The following LRFN2 variants were observed in gnomAD, a reference collection of about 807,000 sequenced individuals.
LRFN2 encodes the protein leucine rich repeat and fibronectin type III domain containing 2, also known as leucine-rich repeat and fibronectin type-III domain-containing protein 2.
A neutral mutation model predicts 37.3 loss-of-function variants in LRFN2; 18 were observed. The observed-to-expected ratio is 0.48, with a 90% CI of 0.33 to 0.72. LRFN2 has a LOEUF of 0.72. LRFN2 is among the 30% of genes least tolerant of loss of function. LRFN2 has a pLI of 0.02. For synonymous variants in LRFN2, 556 were observed against 466.6 expected (o/e 1.19, Z -2.47); for missense variants, 1,006 against 1,060.7 (o/e 0.95, Z 0.72).
intron 1 of LRFN2, among the ~76,000 whole-genome samples, chr6:40,453,048 G>A (rs182029059): frequency 6.6e-6 from 1 of 152,294 alleles, no homozygotes; most frequent in East Asian, 1.9e-4. Flanking sequence ...CAAAATAGGT[G>A]ACTCTTCCTC....
chr6:40,498,341 G>A (rs1356458268), intron 1 of LRFN2, among the ~76,000 whole-genome samples: 1 of 152,102 alleles, frequency 6.6e-6, no homozygotes, highest in Non-Finnish European at 1.5e-5. Context: ...TGGCTGAAGG[G>A]GTCTACAATT....
intron 1 of LRFN2, among the ~76,000 whole-genome samples, chr6:40,560,058 C>A (rs1429147071): frequency 1.3e-5 from 2 of 152,246 alleles, no homozygotes; most frequent in Non-Finnish European, 2.9e-5. Context: ...TCGGTTAGCC[C>A]TGGGTGGAGC....
At chr6:40,461,371 G>A (rs968576292) in intron 1 of LRFN2, among the ~76,000 whole-genome samples, 5 of 152,034 alleles carry the variant, frequency 3.3e-5, no homozygotes, top group Admixed American at 2.6e-4. Flanking sequence ...TCACACCATT[G>A]CACTCCAGCC....
At chr6:40,551,194 G>A (rs966859906) in intron 1 of LRFN2, among the ~76,000 whole-genome samples, 4 of 152,124 alleles carry the variant, frequency 2.6e-5, no homozygotes, top group African/African-American at 4.8e-5. Flanking sequence ...GGGACAAAGC[G>A]CTTAGGGGCA....
At chr6:40,575,953 T>C (rs143008387) in intron 1 of LRFN2, among the ~76,000 whole-genome samples, 39 of 152,262 alleles carry the variant, frequency 2.6e-4, no homozygotes, top group African/African-American at 7.9e-4. Context: ...AATAAGTACA[T>C]AAAGCTTATT....
At chr6:40,490,136 A>G (rs1219642418) in intron 1 of LRFN2, among the ~76,000 whole-genome samples, 1 of 152,174 alleles carries the variant, frequency 6.6e-6, no homozygotes, top group Non-Finnish European at 1.5e-5. Context: ...GACCCCGTGG[A>G]AGCACATCTC....
chr6:40,586,449 C>G (rs903242808), intron 1 of LRFN2, among the ~76,000 whole-genome samples: 1 of 152,208 alleles, frequency 6.6e-6, no homozygotes, highest in Admixed American at 6.5e-5. Flanking sequence ...CTTCCTTCCT[C>G]CCATCCGCTC....
intron 1 of LRFN2, among the ~76,000 whole-genome samples, chr6:40,440,698 T>C (rs1221720267): frequency 6.6e-6 from 1 of 152,064 alleles, no homozygotes; most frequent in Non-Finnish European, 1.5e-5. Context: ...TACCTCAACA[T>C]CCTCACCTCC....
intron 1 of LRFN2, among the ~76,000 whole-genome samples, chr6:40,536,215 C>A (rs1766446533): frequency 1.3e-5 from 2 of 151,946 alleles, no homozygotes; most frequent in Admixed American, 1.3e-4. Context: ...GAGTGGGGGG[C>A]CGGTTCTGTC....
chr6:40,504,388 C>T (rs1765472235), intron 1 of LRFN2, among the ~76,000 whole-genome samples: 1 of 152,184 alleles, frequency 6.6e-6, no homozygotes, highest in South Asian at 2.1e-4. Flanking sequence ...AGGCTTAGCA[C>T]AGTGCCTGGC....
intron 1 of LRFN2, among the ~76,000 whole-genome samples, chr6:40,561,530 C>T (rs947488550): frequency 6.6e-6 from 1 of 152,188 alleles, no homozygotes; most frequent in African/African-American, 2.4e-5. Flanking sequence ...GACACAGTGC[C>T]CTTCCCTCCA....
chr6:40,570,017 G>A (rs569433298), intron 1 of LRFN2, among the ~76,000 whole-genome samples: 1 of 152,048 alleles, frequency 6.6e-6, no homozygotes, highest in South Asian at 2.1e-4. Context: ...CATCTCTGTG[G>A]TTCTCAACCC....
chr6:40,562,835 T>TCA (rs773357501), intron 1 of LRFN2, among the ~76,000 whole-genome samples: 3,323 of 125,588 alleles, frequency 0.026, 70 homozygotes, highest in East Asian at 0.097. Flanking sequence ...GTGCACTCAC[T>TCA]CACACACACA....
At chr6:40,567,052 C>T (rs555015486) in intron 1 of LRFN2, among the ~76,000 whole-genome samples, 1 of 148,838 alleles carries the variant, frequency 6.7e-6, no homozygotes, top group East Asian at 2.0e-4. Context: ...GCCCCTACAT[C>T]CCCCAATTTT....
intron 2 of LRFN2, among the ~76,000 whole-genome samples, chr6:40,427,592 T>C (rs9394692): frequency 0.025 from 3,749 of 152,326 alleles, 80 homozygotes; most frequent in East Asian, 0.08. Flanking sequence ...CATGGTTCAA[T>C]GACTTGGCAG....
At chr6:40,489,047 A>G (rs920313130) in intron 1 of LRFN2, among the ~76,000 whole-genome samples, 1 of 152,194 alleles carries the variant, frequency 6.6e-6, no homozygotes, top group African/African-American at 2.4e-5. Context: ...TGTGAAGTCC[A>G]TTCCTTCTAC....
intron 2 of LRFN2, among the ~76,000 whole-genome samples, chr6:40,411,505 TC>T (rs1278478622): frequency 2.6e-5 from 4 of 152,186 alleles, no homozygotes; most frequent in Non-Finnish European, 5.9e-5. Flanking sequence ...CGAATCAGCG[TC>T]CTTACAAAGG....
chr6:40,563,207 G>T (rs1357735529), intron 1 of LRFN2, among the ~76,000 whole-genome samples: 2 of 152,078 alleles, frequency 1.3e-5, no homozygotes, highest in African/African-American at 4.8e-5. Flanking sequence ...TCCTCTCTCC[G>T]CTCTGCTCTG....
At chr6:40,457,761 C>T (rs1241191638) in intron 1 of LRFN2, among the ~76,000 whole-genome samples, 1 of 151,950 alleles carries the variant, frequency 6.6e-6, no homozygotes, top group Non-Finnish European at 1.5e-5. Flanking sequence ...GTGATGAATG[C>T]TCACCAGTAT....
Sources: gnomAD v4.1 joint callset for allele counts (sites outside exome capture counted in the v4.1 genomes callset) on GRCh38, gnomAD v4.1.1 for gene constraint, MANE v1.5 for transcripts, NCBI Gene and HGNC (gene_info 2026-07-23, HGNC 2026-07-21) for gene names.